RCAN3: variants seen among roughly 807,000 people sequenced by gnomAD.
RCAN3 encodes regulator of calcineurin 3, also known as calcipressin-3.
RCAN3 carries 19 observed loss-of-function variants against 21.9 expected under a neutral mutation model. The ratio of observed to expected loss-of-function variants is 0.87; its 90% CI spans 0.61 to 1.27. The LOEUF is 1.27. RCAN3 is among the 50% of genes most tolerant of loss of function. The probability of loss-of-function intolerance (pLI) is 0.00; values close to 1 mark genes in which losing one functional copy is unlikely to be tolerated. For missense variants in RCAN3, 240 were observed against 300.1 expected, an observed-to-expected ratio of 0.80 and a Z score of 1.48; for synonymous variants, 114 against 112.3, an observed-to-expected ratio of 1.01 and a Z score of -0.09.
chr1:24,502,496 T>C (rs1180044547), upstream of RCAN3: 1 of 152,102 alleles, frequency 6.6e-6, no homozygotes, highest in African/African-American at 2.4e-5. Context: ...GCAGTGTACA[T>C]AGTAACCAGC....
chr1:24,507,196 C>A (rs1309650149), intron 1 of RCAN3, among the ~76,000 whole-genome samples: 1 of 152,156 alleles, frequency 6.6e-6, no homozygotes, highest in African/African-American at 2.4e-5. Flanking sequence ...CCACCCCCAC[C>A]AAACACCTTG....
At position 24,540,017 on chromosome 1, in the gene RCAN3, T is replaced by C. The variant is rs1164944018; in HGVS notation, c.*4740T>C. On this transcript the variant is annotated 3_prime_UTR_variant, in exon 5 of 5. Transcript: ENST00000374395. ...AAAGTTTTAAAAGATTTATGAACCT[T>C]GTCCTACAATTCGCTGAATACTTAT... is the stretch of plus-strand genomic sequence containing the variant. 1.3e-5 allele frequency: 2 copies of C among 152,244 alleles called. No individual in the cohort carries two copies. Among genetic ancestry groups the C allele is most frequent in the Non-Finnish European group, 2.9e-5 (2 of 68,036 alleles). 9.4% of individuals were successfully genotyped at this position (152,244 alleles called of 1,614,324 possible).
intron 2 of RCAN3, among the ~76,000 whole-genome samples, chr1:24,519,216 T>G (rs1648589270): frequency 2.4e-5 from 1 of 40,852 alleles, no homozygotes; most frequent in Non-Finnish European, 3.7e-5. Flanking sequence ...TGGCCTGATG[T>G]TTTTTTTTTT....
chr1:24,532,205 A>ATTTATTTATTTATTTATTATT (rs1159228483), intron 3 of RCAN3, among the ~76,000 whole-genome samples: 2 of 151,552 alleles, frequency 1.3e-5, no homozygotes, highest in African/African-American at 4.8e-5. Flanking sequence ...CTCTTCATCC[A>ATTTATTTATTTATTTATTATT]TTTATTTATT....
chr1:24,503,884 C>T (rs181790594), intron 1 of RCAN3, among the ~76,000 whole-genome samples: 2 of 152,312 alleles, frequency 1.3e-5, no homozygotes, highest in East Asian at 3.9e-4. Context: ...CTCTGATGTA[C>T]TATTTGGCAA....
intron 2 of RCAN3, among the ~76,000 whole-genome samples, chr1:24,522,963 T>C (rs1367146788): frequency 6.6e-6 from 1 of 152,186 alleles, no homozygotes; most frequent in Non-Finnish European, 1.5e-5. Flanking sequence ...CTGTAAACTT[T>C]AATAGGTTGA....
Position 24,502,903 on chromosome 1 carries a change from C to T in RCAN3, c.-307C>T, listed in dbSNP as rs1401985741. 6.7e-6 allele frequency: 1 copy of T among 150,208 alleles called. No homozygotes were observed. The highest frequency in any genetic ancestry group is 1.5e-5 in the Non-Finnish European group (1 of 67,274). 9.3% of individuals were successfully genotyped at this position (150,208 alleles called of 1,614,324 possible). Reference sequence around the variant, plus strand: ...AGCTCAGCCGGGACACCGCCCTAGTCCCAGCCCAGGGGGCCGCTCTCGCCG... The same window carrying T: ...AGCTCAGCCGGGACACCGCCCTAGTTCCAGCCCAGGGGGCCGCTCTCGCCG... On this transcript the variant is annotated 5_prime_UTR_variant, in exon 1 of 5. Coordinates refer to ENST00000374395, the MANE Select transcript of RCAN3 (RefSeq NM_013441.4).
intron 1 of RCAN3, among the ~76,000 whole-genome samples, chr1:24,510,338 G>C (rs1376020974): frequency 1.3e-5 from 2 of 152,212 alleles, no homozygotes; most frequent in African/African-American, 4.8e-5. Flanking sequence ...CCAATAGAAG[G>C]CTACTTAGTC....
chr1:24,533,818 AAATT>A (rs1649994609), intron 4 of RCAN3, among the ~76,000 whole-genome samples: 1 of 152,160 alleles, frequency 6.6e-6, no homozygotes, highest in Admixed American at 6.5e-5. Context: ...TAAAAATAAA[AAATT>A]AAGTATTAAA....
chr1:24,524,380 A>C (rs1225290479), intron 2 of RCAN3, among the ~76,000 whole-genome samples: 1 of 152,238 alleles, frequency 6.6e-6, no homozygotes, highest in Non-Finnish European at 1.5e-5. Flanking sequence ...TGATGATGGC[A>C]ACATAAATAA....
In RCAN3 at chr1:24,516,152, AAAAG is replaced by A. The variant is rs924410012; in HGVS notation, c.195+1597_195+1600del. Among the ~76,000 whole-genome samples, 30 of 152,092 alleles carry A rather than the reference AAAAG, an allele frequency of 2.0e-4. No individual in the cohort carries two copies. In the East Asian group the frequency reaches 3.1e-3, roughly 16 times the overall value. On this transcript the variant is annotated intron_variant, in intron 2 of 4. Coordinates refer to ENST00000374395, the MANE Select transcript of RCAN3 (RefSeq NM_013441.4). ...AGCGAGACTCAGTCTCAAGAAAAAA[AAAAG>A]AAAGAAAGAAACACTTGAAAGAACA...
chr1:24,533,371 C>T, intron 4 of RCAN3, 117 bp downstream of exon 4: 1 of 781,536 alleles, frequency 1.3e-6, no homozygotes, highest in Non-Finnish European at 1.9e-6. Flanking sequence ...TCAAACACAC[C>T]TGGGTTCAGA....
intron 1 of RCAN3, among the ~76,000 whole-genome samples, chr1:24,505,237 T>C (rs1350119638): frequency 4.7e-4 from 66 of 141,390 alleles, no homozygotes; most frequent in Middle Eastern, 3.5e-3. Context: ...TTTTTCTTTT[T>C]TTTTTTTTTT....
rs750533612 is a variant in RCAN3, at chr1:24,535,213, C to T, written c.662C>T (p.Thr221Met). 7.5e-6 allele frequency: 12 copies of T among 1,590,926 alleles called. No individual in the cohort carries two copies. In the East Asian group the frequency reaches 1.2e-4, roughly 15 times the overall value. Residue 221 changes from threonine to methionine, a missense_variant, in exon 5 of 5, where the codon ACG (threonine) becomes ATG (methionine). By Grantham distance (81) the Thr-to-Met change is moderately conservative (BLOSUM62 -1). Transcript: ENST00000374395. ...AACCCCAAACAGAAAATTGCCCAGACGAGGCGCCCCGACCCTCCGACCGCA... is the reference window on the plus strand; with the variant it reads ...AACCCCAAACAGAAAATTGCCCAGATGAGGCGCCCCGACCCTCCGACCGCA... ...TKNPKQKIAQ[T>M]RRPDPPTAAL...
At chr1:24,523,629 C>T (rs1343959414) in intron 2 of RCAN3, among the ~76,000 whole-genome samples, 2 of 138,122 alleles carry the variant, frequency 1.4e-5, no homozygotes, top group African/African-American at 6.4e-5. Context: ...CACACACACA[C>T]ACACACACAC....
At position 24,525,616 on chromosome 1, in the gene RCAN3, A is replaced by G. The variant is rs1411624567; in HGVS notation, c.196-5602A>G. On this transcript the variant is annotated intron_variant, in intron 2 of 4. Coordinates refer to ENST00000374395, the MANE Select transcript of RCAN3 (RefSeq NM_013441.4). The surrounding 1 kb of genome is among the most constrained non-coding windows in gnomAD (Gnocchi z 4.1). ...AGGATGATGTTAATTTTATATCATTAGAGAATTCAGAAATTTCTAAAAGTG... is the reference window on the plus strand; with the variant it reads ...AGGATGATGTTAATTTTATATCATTGGAGAATTCAGAAATTTCTAAAAGTG... Among the ~76,000 whole-genome samples, 1 of 152,262 alleles carries G rather than the reference A, an allele frequency of 6.6e-6. No individual in the cohort carries two copies. Among genetic ancestry groups the G allele is most frequent in the African/African-American group, 2.4e-5 (1 of 41,468 alleles).
rs773575188 is a variant in RCAN3, at chr1:24,510,235, A to T, written c.-59-4079A>T. Among the ~76,000 whole-genome samples the T allele has an allele frequency of 7.8e-4, 119 of 152,354 alleles. 1 individual carries two copies. Among genetic ancestry groups the T allele is most frequent in the Non-Finnish European group, 2.5e-4 (17 of 68,036 alleles). ...TGGCTTTAACTTAAAGTCACCAGCT[A>T]TGTTAGCCGCTAACAAAAGAGTCAG... On this transcript the variant is annotated intron_variant, in intron 1 of 4. Transcript: ENST00000374395.
At chr1:24,527,502 A>G (rs952600289) in intron 2 of RCAN3, among the ~76,000 whole-genome samples, 3 of 152,226 alleles carry the variant, frequency 2.0e-5, no homozygotes, top group African/African-American at 7.2e-5. Flanking sequence ...ATAATGAAGG[A>G]TATTTGAACA....
At chr1:24,528,818 A>C (rs1557576620) in intron 2 of RCAN3, among the ~76,000 whole-genome samples, 1 of 152,240 alleles carries the variant, frequency 6.6e-6, no homozygotes, top group Non-Finnish European at 1.5e-5. Flanking sequence ...AAATCAGGAT[A>C]TAGAACTTGT....
Sources: gnomAD v4.1 joint callset for allele counts (sites outside exome capture counted in the v4.1 genomes callset) on GRCh38, gnomAD v4.1.1 for gene constraint, Gnocchi (gnomAD v3.1) non-coding constraint, MANE v1.5 for transcripts, NCBI Gene and HGNC (gene_info 2026-07-23, HGNC 2026-07-21) for gene names.